Variants in DPP4 observed in about 807,000 individuals in gnomAD.
DPP4 encodes the protein dipeptidyl peptidase 4, also known as ADCP-2.
A neutral mutation model predicts 122.4 loss-of-function variants in DPP4; 93 were observed. The observed-to-expected ratio is 0.76, with a 90% CI of 0.64 to 0.90. The LOEUF (loss-of-function observed/expected upper bound fraction) is 0.90, where lower values mean the gene tolerates loss of function less well. Ranked by LOEUF, DPP4 falls within the 40% of genes least tolerant of loss-of-function variation. The probability of loss-of-function intolerance (pLI) is 0.00; values close to 1 mark genes in which losing one functional copy is unlikely to be tolerated. For missense variants in DPP4, 914 were observed against 907.3 expected, an observed-to-expected ratio of 1.01 and a Z score of -0.09; for synonymous variants, 321 against 302.9, an observed-to-expected ratio of 1.06 and a Z score of -0.62.
At position 162,074,158 on chromosome 2, in the gene DPP4, C is replaced by A; in HGVS notation, c.-177G>T. ...GCCGAGCCCGCTGGGTATAAAGGCG[C>A]CGCGGGCAGGCTGCAGGGCAGGCGG... On this transcript the variant is annotated 5_prime_UTR_variant, in exon 1 of 26. Transcript: ENST00000360534. The A allele has an allele frequency of 7.6e-7, 1 of 1,318,928 alleles. No individual in the cohort carries two copies. The allele number at this position is 1,318,928 out of a possible 1,614,324, so 81.7% of individuals were successfully genotyped here.
At chr2:162,039,650 A>C (rs1683918512) in intron 5 of DPP4, among the ~76,000 whole-genome samples, 1 of 152,144 alleles carries the variant, frequency 6.6e-6, no homozygotes, top group African/African-American at 2.4e-5. Flanking sequence ...CCCCCTGGCA[A>C]GATATATTAA....
At chr2:162,022,983 A>C (rs1386362189) in intron 11 of DPP4, among the ~76,000 whole-genome samples, 184 bp from the exon 12 acceptor site, 2 of 152,164 alleles carry the variant, frequency 1.3e-5, no homozygotes. Flanking sequence ...TCTCTTGCCT[A>C]AAGTTATATC....
At chr2:162,063,490 G>A (rs1684850864) in intron 2 of DPP4, among the ~76,000 whole-genome samples, 1 of 152,078 alleles carries the variant, frequency 6.6e-6, no homozygotes, top group South Asian at 2.1e-4. Flanking sequence ...AAGACATCAG[G>A]AAGAATACCT....
At chr2:162,018,443 C>T (rs901467132) in intron 16 of DPP4, among the ~76,000 whole-genome samples, 1 of 152,182 alleles carries the variant, frequency 6.6e-6, no homozygotes, top group African/African-American at 2.4e-5. Flanking sequence ...ATAAAATAAT[C>T]ATTTAAAACC....
Position 162,045,616 on chromosome 2 carries a change from T to A in DPP4, c.286-4A>T. ...TGATAGAATGTCCAAACTCATCCTGTCAAACAAGAAGAACAAAGAAAAATT... is the reference window on the plus strand; with the variant it reads ...TGATAGAATGTCCAAACTCATCCTGACAAACAAGAAGAACAAAGAAAAATT... On this transcript the variant is annotated splice_polypyrimidine_tract_variant and splice_region_variant and intron_variant, in intron 4 of 25. Transcript: ENST00000360534. 1.2e-6 allele frequency: 2 copies of A among 1,608,354 alleles called. No homozygotes were observed. Among genetic ancestry groups the A allele is most frequent in the Non-Finnish European group, 1.7e-6 (2 of 1,175,522 alleles).
In DPP4 at chr2:162,020,630, C is replaced by T; in HGVS notation, c.1127G>A (p.Ser376Asn). 6.2e-7 allele frequency: 1 copy of T among 1,612,752 alleles called. No individual in the cohort carries two copies. Among genetic ancestry groups the T allele is most frequent in the Non-Finnish European group, 8.5e-7 (1 of 1,179,686 alleles). ...AATGTGTCTGTAACCTTCTTCATTG[C>T]TGATGATCTTGTAGAAGCTATTACC... ...LDGNSFYKII[S>N]NEEGYRHICY... Residue 376 changes from serine to asparagine, a missense_variant, in exon 13 of 26, where the codon AGC (serine) becomes AAC (asparagine). Transcript: ENST00000360534.
At chr2:162,047,599 C>G in intron 2 of DPP4, 98 bp from the exon 3 acceptor site, 1 of 723,160 alleles carries the variant, frequency 1.4e-6, no homozygotes, top group Non-Finnish European at 2.1e-6. Context: ...ATACCCTGCT[C>G]AAAAAATTCA....
intron 2 of DPP4, among the ~76,000 whole-genome samples, chr2:162,069,968 T>C (rs1282888408): frequency 6.6e-6 from 1 of 152,082 alleles, no homozygotes; most frequent in African/African-American, 2.4e-5. Context: ...ATAAAACTAT[T>C]TGACAAATAA....
chr2:162,039,060 A>G (rs770896465), intron 6 of DPP4, 39 bp from the exon 7 acceptor site: 3 of 1,612,482 alleles, frequency 1.9e-6, no homozygotes, highest in Non-Finnish European at 2.5e-6. Context: ...CAAAAAGAAT[A>G]ACTCACATTG....
chr2:162,010,682 C>T (rs547407802), intron 20 of DPP4, among the ~76,000 whole-genome samples: 1 of 152,226 alleles, frequency 6.6e-6, no homozygotes, highest in African/African-American at 2.4e-5. Flanking sequence ...TTTAAAATAT[C>T]AAAGCCTCAC....
intron 11 of DPP4, among the ~76,000 whole-genome samples, chr2:162,023,559 T>C (rs1683213660): frequency 6.6e-6 from 1 of 152,204 alleles, no homozygotes; most frequent in Non-Finnish European, 1.5e-5. Flanking sequence ...TATGGCGTTC[T>C]GTCCTTATCT....
chr2:162,020,150 A>AT (rs971661319), intron 14 of DPP4, 79 bp downstream of exon 14: 28 of 1,234,290 alleles, frequency 2.3e-5, no homozygotes, highest in Non-Finnish European at 2.8e-5. Flanking sequence ...TTTGTAGGAG[A>AT]TTTTTTCCCT....
chr2:162,026,943 T>C (rs979103232), intron 10 of DPP4, among the ~76,000 whole-genome samples: 2 of 152,204 alleles, frequency 1.3e-5, no homozygotes, highest in African/African-American at 4.8e-5. Context: ...TCCACATCTC[T>C]GTCACTACTC....
intron 8 of DPP4, 150 bp downstream of exon 8, chr2:162,038,151 TG>T: frequency 2.9e-6 from 2 of 696,158 alleles, no homozygotes; most frequent in Non-Finnish European, 4.5e-6. Flanking sequence ...AGGAGACATC[TG>T]GTGCTGTGAG....
In DPP4 at chr2:162,011,879, TC is replaced by T. The variant is rs770800552; in HGVS notation, c.1745del (p.Gly582GlufsTer54). On this transcript the variant is annotated frameshift_variant, in exon 20 of 26. Coordinates refer to ENST00000360534, the MANE Select transcript of DPP4 (RefSeq NM_001935.4). LOFTEE classifies it high-confidence loss of function. Reference sequence around the variant, plus strand: ...TGATCTTATCTCCTTGGTAACCACTTCCTCTGCCATCAAAGCTAGCTACTAT... The same window carrying T: ...TGATCTTATCTCCTTGGTAACCACTTCTCTGCCATCAAAGCTAGCTACTAT... ...NIIVASFDGR[G>X]SGYQGDKIMH... is the part of the protein sequence containing the mutation. 33 of 1,613,686 alleles carry T rather than the reference TC, an allele frequency of 2.0e-5. No individual in the cohort carries two copies. The highest frequency in any genetic ancestry group is 1.7e-5 in the Admixed American group (1 of 59,962).
At chr2:162,012,571 G>A (rs1394847557) in intron 19 of DPP4, among the ~76,000 whole-genome samples, 3 of 152,014 alleles carry the variant, frequency 2.0e-5, no homozygotes, top group Non-Finnish European at 4.4e-5. Flanking sequence ...ATTGGAAAAC[G>A]GGCATGTCAT....
At chr2:162,054,028 G>T (rs1034679384) in intron 2 of DPP4, among the ~76,000 whole-genome samples, 9 of 152,158 alleles carry the variant, frequency 5.9e-5, no homozygotes, top group Non-Finnish European at 1.0e-4. Context: ...AAGCCTTACT[G>T]GGGGGGTGGG....
rs183234929 is a variant in DPP4 at position 162,049,101 on chromosome 2, A to T, written c.95-1600T>A. On this transcript the variant is annotated intron_variant, in intron 2 of 25. Coordinates refer to ENST00000360534, the MANE Select transcript of DPP4 (RefSeq NM_001935.4). Reference sequence around the variant, plus strand: ...CAAACATACACTCACAAAATCAGCCACCGTTATAAAATTCCTATAACTGCA... The same window carrying T: ...CAAACATACACTCACAAAATCAGCCTCCGTTATAAAATTCCTATAACTGCA... 3.9e-3 allele frequency among the ~76,000 whole-genome samples: 599 copies of T among 152,272 alleles called. 1 individual carries two copies. Among genetic ancestry groups the T allele is most frequent in the Non-Finnish European group, 7.0e-3 (476 of 68,000 alleles).
intron 23 of DPP4, among the ~76,000 whole-genome samples, chr2:162,004,906 T>C (rs1701243258): frequency 6.6e-6 from 1 of 152,218 alleles, no homozygotes; most frequent in Non-Finnish European, 1.5e-5. Flanking sequence ...CTTTGAAAAA[T>C]GTAAACATCA....
Sources: allele counts gnomAD v4.1 joint callset (sites outside exome capture counted in the v4.1 genomes callset), GRCh38; gene constraint gnomAD v4.1.1; transcripts MANE v1.5; gene names NCBI Gene and HGNC (gene_info 2026-07-23, HGNC 2026-07-21).